Variants in MRPL48 observed in about 807,000 individuals in gnomAD.
MRPL48 encodes the protein large ribosomal subunit protein mL48.
Under a neutral mutation model 32.9 loss-of-function variants are expected in MRPL48, and 16 were observed. The observed-to-expected ratio is 0.49, with a 90% CI of 0.33 to 0.74. The LOEUF (loss-of-function observed/expected upper bound fraction) is 0.74, where lower values mean the gene tolerates loss of function less well. Ranked by LOEUF, MRPL48 falls within the 30% of genes least tolerant of loss-of-function variation. The pLI is 0.02. For missense variants in MRPL48, 206 were observed against 245.3 expected (o/e 0.84, Z 1.07); for synonymous variants, 94 against 89.2 (o/e 1.05, Z -0.31).
At chr11:73,817,041 AG>A (rs1195566482) in intron 3 of MRPL48, among the ~76,000 whole-genome samples, 1 of 151,640 alleles carries the variant, frequency 6.6e-6, no homozygotes, top group Admixed American at 6.6e-5. Flanking sequence ...CATGTTGGCC[AG>A]GCTGGTCTCT....
intron 4 of MRPL48, among the ~76,000 whole-genome samples, chr11:73,828,831 A>G (rs868200728): frequency 6.6e-6 from 1 of 152,042 alleles, no homozygotes; most frequent in South Asian, 2.1e-4. Context: ...TTGCAACAAA[A>G]AAGTGTTTTC....
chr11:73,801,317 G>A (rs758583096), intron 1 of MRPL48, among the ~76,000 whole-genome samples: 8 of 151,902 alleles, frequency 5.3e-5, no homozygotes, highest in South Asian at 2.1e-4. Flanking sequence ...AATAGATCCC[G>A]GCCCTGGAGA....
At chr11:73,794,894 A>C (rs1348737502) in intron 1 of MRPL48, among the ~76,000 whole-genome samples, 2 of 143,274 alleles carry the variant, frequency 1.4e-5, no homozygotes, top group Admixed American at 1.4e-4. Context: ...ACAGGCATGC[A>C]CCACCATGCC....
At chr11:73,790,985 A>G (rs1340916581) in intron 1 of MRPL48, among the ~76,000 whole-genome samples, 1 of 147,110 alleles carries the variant, frequency 6.8e-6, no homozygotes, top group Non-Finnish European at 1.5e-5. Flanking sequence ...TCCCGGGCTC[A>G]GGTGATTCTC....
chr11:73,815,126 A>G (rs1191351290), intron 3 of MRPL48, among the ~76,000 whole-genome samples: 1 of 152,120 alleles, frequency 6.6e-6, no homozygotes, highest in South Asian at 2.1e-4. Context: ...TAAAATATCC[A>G]TGTTTTTGGC....
At chr11:73,823,651 TCTG>T (rs1414543155) in intron 3 of MRPL48, among the ~76,000 whole-genome samples, 1 of 138,806 alleles carries the variant, frequency 7.2e-6, no homozygotes, top group African/African-American at 2.8e-5. Context: ...TCTTTTCTTT[TCTG>T]TTTTTTTTTT....
chr11:73,788,054 T>A, intron 1 of MRPL48, 62 bp downstream of exon 1: 3 of 1,598,550 alleles, frequency 1.9e-6, no homozygotes, highest in Non-Finnish European at 2.6e-6. Flanking sequence ...AGAGGGGAGA[T>A]GGCGGAGGGT....
At chr11:73,848,982 T>G (rs1371901698) in intron 5 of MRPL48, among the ~76,000 whole-genome samples, 1 of 151,962 alleles carries the variant, frequency 6.6e-6, no homozygotes, top group Admixed American at 6.6e-5. Flanking sequence ...CCACCATGCC[T>G]GGCTAATTTT....
chr11:73,854,203 T>C (rs1369930282), intron 5 of MRPL48, among the ~76,000 whole-genome samples: 1 of 152,222 alleles, frequency 6.6e-6, no homozygotes, highest in Non-Finnish European at 1.5e-5. Flanking sequence ...CTTTTACTTT[T>C]TGCCACATAG....
chr11:73,864,465 T>G lies in MRPL48; in HGVS notation c.*95T>G. 1 of 1,240,374 alleles carries G rather than the reference T, an allele frequency of 8.1e-7. No homozygotes were observed. The highest frequency in any genetic ancestry group is 1.2e-6 in the Non-Finnish European group (1 of 862,996). 76.8% of individuals were successfully genotyped at this position (1,240,374 alleles called of 1,614,324 possible). On this transcript the variant is annotated 3_prime_UTR_variant, in exon 8 of 8. Transcript: ENST00000310614. ...AGAGTTCATCAGGAGACCCAACCCT[T>G]AGATTTCATAAGTACCCATTCCCAT...
At position 73,845,021 on chromosome 11, in the gene MRPL48, A is replaced by G. The variant is rs1041786334; in HGVS notation, c.371+45A>G. 3 of 1,555,030 alleles carry G rather than the reference A, an allele frequency of 1.9e-6. No homozygotes were observed. In the Admixed American group the frequency reaches 6.0e-5, roughly 31 times the overall value. ...ATGGGATGTTCTTGGTGTGGGTAGA[A>G]TGCTCTGTTTTTTTGTTAAACTAGG... On this transcript the variant is annotated intron_variant, in intron 5 of 7. Transcript: ENST00000310614.
intron 5 of MRPL48, among the ~76,000 whole-genome samples, chr11:73,856,192 A>G (rs1197867497): frequency 6.6e-6 from 1 of 152,208 alleles, no homozygotes; most frequent in African/African-American, 2.4e-5. Flanking sequence ...CTCAGAGCAT[A>G]AAGAGCTGTT....
intron 1 of MRPL48, among the ~76,000 whole-genome samples, chr11:73,788,552 C>T (rs539504093): frequency 3.4e-5 from 5 of 147,202 alleles, no homozygotes; most frequent in Admixed American, 1.4e-4. Flanking sequence ...CGGCTCACCA[C>T]AACCTTCGCC....
At chr11:73,824,296 G>A (rs967116098) in intron 3 of MRPL48, among the ~76,000 whole-genome samples, 12 of 151,784 alleles carry the variant, frequency 7.9e-5, no homozygotes, top group Non-Finnish European at 1.3e-4. Flanking sequence ...TAGATGTTTT[G>A]TAAAACTGTA....
Position 73,859,986 on chromosome 11 carries a change from A to T in MRPL48, c.451A>T (p.Thr151Ser). 2 of 1,613,754 alleles carry T rather than the reference A, an allele frequency of 1.2e-6. No homozygotes were observed. The highest frequency in any genetic ancestry group is 1.7e-6 in the Non-Finnish European group (2 of 1,179,804). Residue 151 changes from threonine to serine, a missense_variant, in exon 6 of 8, where the codon ACC becomes TCC. Physicochemically the swap from Thr to Ser is moderately conservative, Grantham distance 58. Transcript: ENST00000310614. ...CAAAATGCTCCTGGACTCAGTGCTT[A>T]CCACCCATGAGCGAGTGGTTCAGGT... Reference protein sequence around the residue: ...GSKMLLDSVLTTHERVVQISG... With the variant: ...GSKMLLDSVLSTHERVVQISG...
intron 4 of MRPL48, among the ~76,000 whole-genome samples, chr11:73,841,652 G>A (rs942349936): frequency 6.6e-6 from 1 of 152,138 alleles, no homozygotes; most frequent in Non-Finnish European, 1.5e-5. Flanking sequence ...TCTTTTTAGG[G>A]TACTGGTAAT....
At position 73,812,717 on chromosome 11, in the gene MRPL48, A is replaced by AATATAT. The variant is rs370608269; in HGVS notation, c.112+4386_112+4391dup. 3.4e-3 allele frequency among the ~76,000 whole-genome samples: 464 copies of AATATAT among 135,526 alleles called. 3 individuals are homozygous for AATATAT. The highest frequency in any genetic ancestry group is 5.9e-3 in the Admixed American group (79 of 13,324). The allele number at this position is 135,526 out of a possible 152,430, so 88.9% of individuals were successfully genotyped here. A position where few individuals can be genotyped will look rare whatever the true frequency, so the allele number is the denominator to read the frequency against. On this transcript the variant is annotated intron_variant, in intron 3 of 7. Coordinates refer to ENST00000310614, the MANE Select transcript of MRPL48 (RefSeq NM_016055.6). ...GCGACAGAGCAGGATCCCATGTCTAAATATATATATATATATATATATATT... is the reference window on the plus strand; with the variant it reads ...GCGACAGAGCAGGATCCCATGTCTAAATATATATATATATATATATATATATATATT...
chr11:73,823,736 C>T (rs1394876768), intron 3 of MRPL48, among the ~76,000 whole-genome samples: 1 of 145,876 alleles, frequency 6.9e-6, no homozygotes, highest in Non-Finnish European at 1.5e-5. Flanking sequence ...ATTTGCACTA[C>T]AACCTCAAAC....
At chr11:73,850,055 G>A (rs1458389089) in intron 5 of MRPL48, among the ~76,000 whole-genome samples, 3 of 152,056 alleles carry the variant, frequency 2.0e-5, no homozygotes, top group Non-Finnish European at 2.9e-5. Flanking sequence ...AACTGAGATC[G>A]TGCCACTGCA....
Sources: allele counts gnomAD v4.1 joint callset (sites outside exome capture counted in the v4.1 genomes callset), GRCh38; gene constraint gnomAD v4.1.1; transcripts MANE v1.5; gene names NCBI Gene and HGNC (gene_info 2026-07-23, HGNC 2026-07-21).